The following DAB1 variants were observed in gnomAD, a reference collection of about 807,000 sequenced individuals.
DAB1 encodes DAB adaptor protein 1, also known as disabled homolog 1.
A neutral mutation model predicts 64.6 loss-of-function variants in DAB1; 15 were observed. The ratio of observed to expected loss-of-function variants is 0.23; its 90% CI spans 0.16 to 0.36. The LOEUF (loss-of-function observed/expected upper bound fraction) is 0.36, where lower values mean the gene tolerates loss of function less well. Among genes scored for constraint, DAB1 ranks in the 10% least tolerant of loss-of-function variants. The pLI is 1.00. For synonymous variants in DAB1, 235 were observed against 251.9 expected (o/e 0.93, Z 0.64); for missense variants, 596 against 706.7 (o/e 0.84, Z 1.78).
intron 5 of DAB1, among the ~76,000 whole-genome samples, chr1:57,941,098 T>A (rs976661759): frequency 2.0e-5 from 3 of 152,190 alleles, no homozygotes. Flanking sequence ...TTAGGACTCT[T>A]AGGCATGATA....
chr1:58,028,248 C>G (rs908881974), intron 5 of DAB1, among the ~76,000 whole-genome samples: 2 of 152,180 alleles, frequency 1.3e-5, no homozygotes, highest in African/African-American at 4.8e-5. Flanking sequence ...CTGCAAGGCT[C>G]TGGTCAAAAC....
At chr1:57,903,174 G>A (rs1004536777) in intron 5 of DAB1, among the ~76,000 whole-genome samples, 3 of 152,086 alleles carry the variant, frequency 2.0e-5, no homozygotes, top group Non-Finnish European at 4.4e-5. Context: ...ATGACACGTG[G>A]GAATTATGGG....
intron 7 of DAB1, among the ~76,000 whole-genome samples, chr1:57,622,802 G>C (rs1479365381): frequency 6.6e-6 from 1 of 152,166 alleles, no homozygotes; most frequent in East Asian, 1.9e-4. Context: ...TGCCTACCTA[G>C]AATATAGACA....
intron 3 of DAB1, among the ~76,000 whole-genome samples, chr1:58,395,987 T>C (rs894101529): frequency 6.6e-6 from 1 of 152,026 alleles, no homozygotes; most frequent in Non-Finnish European, 1.5e-5. Context: ...AGATTAAGAG[T>C]AGTGCTCCAG....
chr1:58,387,763 G>A (rs959320728), intron 3 of DAB1, among the ~76,000 whole-genome samples: 7 of 123,368 alleles, frequency 5.7e-5, no homozygotes, highest in African/African-American at 2.3e-4. Flanking sequence ...CTCGCTCTGT[G>A]TTGCCCAGGC....
In DAB1 at chr1:56,997,686, GC is replaced by G. The variant is rs1299238724; in HGVS notation, c.*457del. The G allele has an allele frequency of 6.6e-6, 1 of 152,156 alleles. No homozygotes were observed. The highest frequency in any genetic ancestry group is 2.4e-5 in the African/African-American group (1 of 41,426). The allele number at this position is 152,156 out of a possible 1,614,324, so 9.4% of individuals were successfully genotyped here. ...TGGTCACAGAAGACCCTTTGCTTTT[GC>G]TTAAAGAAGTCAGTTCCAACCCTGT... is the stretch of plus-strand genomic sequence containing the variant. On this transcript the variant is annotated 3_prime_UTR_variant, in exon 15 of 15. Coordinates refer to ENST00000371236, the MANE Select transcript of DAB1 (RefSeq NM_001365792.1).
At chr1:57,575,390 G>A (rs949639651) in intron 7 of DAB1, among the ~76,000 whole-genome samples, 8 of 152,132 alleles carry the variant, frequency 5.3e-5, no homozygotes, top group African/African-American at 1.9e-4. Context: ...AAAGCCCTGC[G>A]ATGTGGGCTA....
intron 3 of DAB1, among the ~76,000 whole-genome samples, chr1:58,425,733 A>G (rs1417982): frequency 0.018 from 2,720 of 152,220 alleles, 89 homozygotes; most frequent in African/African-American, 0.061. Context: ...ACAGAGTATC[A>G]TCATTGAAAT....
At position 57,288,005 on chromosome 1, in the gene DAB1, A is replaced by G. The variant is rs576784811; in HGVS notation, c.67+2959T>C. Among the ~76,000 whole-genome samples the G allele has an allele frequency of 1.2e-3, 180 of 152,220 alleles. 7 individuals are homozygous for G. The South Asian group carries it at 0.037, about 31-fold the overall frequency. On this transcript the variant is annotated intron_variant, in intron 2 of 14. Coordinates refer to ENST00000371236, the MANE Select transcript of DAB1 (RefSeq NM_001365792.1). ...GAGACGGGGTTTCACTGTGTTGGCC[A>G]GGCTGGTCTCGAATTCCTGACTTCA...
At chr1:57,305,968 CAAAAAA>C (rs1048177276) in intron 1 of DAB1, among the ~76,000 whole-genome samples, 1,220 of 62,286 alleles carry the variant, frequency 0.02, 30 homozygotes, top group East Asian at 0.16. Context: ...GACTCCGTCT[CAAAAAA>C]AAAAAAAAAA....
intron 5 of DAB1, among the ~76,000 whole-genome samples, chr1:58,140,060 C>G (rs547151180): frequency 3.8e-4 from 58 of 152,280 alleles, no homozygotes; most frequent in African/African-American, 1.3e-3. Context: ...AACCATCCTC[C>G]CACCCCTACC....
At chr1:57,477,905 T>C (rs1435288473) in intron 7 of DAB1, among the ~76,000 whole-genome samples, 1 of 152,002 alleles carries the variant, frequency 6.6e-6, no homozygotes, top group Admixed American at 6.6e-5. Context: ...TTAGACTCTA[T>C]CCTATTTTTT....
intron 5 of DAB1, among the ~76,000 whole-genome samples, chr1:57,992,125 C>G (rs1482204762): frequency 6.6e-6 from 1 of 151,996 alleles, no homozygotes; most frequent in Non-Finnish European, 1.5e-5. Flanking sequence ...AGAAGCCAGA[C>G]ACAAAAAAAA....
intron 7 of DAB1, among the ~76,000 whole-genome samples, chr1:57,463,538 G>T (rs1234564262): frequency 6.6e-6 from 1 of 152,142 alleles, no homozygotes; most frequent in Non-Finnish European, 1.5e-5. Context: ...GGATGAGTGT[G>T]CTTTTTACTG....
At chr1:57,832,347 A>G (rs182916181) in intron 1 of DAB1, among the ~76,000 whole-genome samples, 27 of 152,326 alleles carry the variant, frequency 1.8e-4, no homozygotes, top group African/African-American at 5.3e-4. Flanking sequence ...AGTGACAATC[A>G]TACCACTGGA....
chr1:57,231,380 T>A (rs60262534), intron 2 of DAB1, among the ~76,000 whole-genome samples: 2,470 of 152,324 alleles, frequency 0.016, 55 homozygotes, highest in African/African-American at 0.054. Flanking sequence ...GTTTTTCATC[T>A]GCTACGTATC....
chr1:57,690,673 A>C (rs1441463580), intron 6 of DAB1, among the ~76,000 whole-genome samples: 2 of 152,134 alleles, frequency 1.3e-5, no homozygotes, highest in Non-Finnish European at 2.9e-5. Flanking sequence ...CAGTGAGATC[A>C]CTGGATCATA....
At chr1:57,588,409 T>G (rs1264936294) in intron 7 of DAB1, among the ~76,000 whole-genome samples, 1 of 152,222 alleles carries the variant, frequency 6.6e-6, no homozygotes, top group Non-Finnish European at 1.5e-5. Context: ...ATCTAAATTC[T>G]TAGGACATCC....
At chr1:57,836,211 T>C (rs1652801281) in intron 1 of DAB1, among the ~76,000 whole-genome samples, 1 of 152,206 alleles carries the variant, frequency 6.6e-6, no homozygotes, top group South Asian at 2.1e-4. Flanking sequence ...ATGATCCCTA[T>C]AACAACAGGT....
Sources: allele counts gnomAD v4.1 joint callset (sites outside exome capture counted in the v4.1 genomes callset), GRCh38; gene constraint gnomAD v4.1.1; transcripts MANE v1.5; gene names NCBI Gene and HGNC (gene_info 2026-07-23, HGNC 2026-07-21).